The following TMEM163 variants were observed in gnomAD, a reference collection of about 807,000 sequenced individuals.
TMEM163 encodes the protein transmembrane protein 163.
A neutral mutation model predicts 29.3 loss-of-function variants in TMEM163; 17 were observed. The ratio of observed to expected loss-of-function variants is 0.58; its 90% CI spans 0.40 to 0.87. The LOEUF (loss-of-function observed/expected upper bound fraction) is 0.87, where lower values mean the gene tolerates loss of function less well. Among genes scored for constraint, TMEM163 ranks in the 40% least tolerant of loss-of-function variants. The pLI is 0.00. For synonymous variants in TMEM163, 157 were observed against 160.6 expected (o/e 0.98, Z 0.17); for missense variants, 303 against 381.5 (o/e 0.79, Z 1.71).
At chr2:134,657,387 A>G (rs1683645075) in intron 2 of TMEM163, among the ~76,000 whole-genome samples, 1 of 152,240 alleles carries the variant, frequency 6.6e-6, no homozygotes, top group Non-Finnish European at 1.5e-5. Context: ...CCTCCTTTAC[A>G]GCAACATGCA....
At chr2:134,708,570 TTTTA>T (rs760024250) in intron 2 of TMEM163, among the ~76,000 whole-genome samples, 1 of 151,358 alleles carries the variant, frequency 6.6e-6, no homozygotes, top group Non-Finnish European at 1.5e-5. Context: ...TATTTTTTAA[TTTTA>T]TTTATTTATT....
In TMEM163 at chr2:134,718,753, G is replaced by C; in HGVS notation, c.183C>G (p.Ser61Arg). The change falls in exon 1 of 8, where the codon AGC becomes AGG. Residue 61 changes from serine to arginine, a missense_variant. Transcript: ENST00000281924. ...QVRISESGQF[S>R]DGLEDRGLLE... ...GCTCACCTCGGTCCTCCAGCCCGTC[G>C]CTGAACTGGCCGCTCTCGCTGATCC... The C allele has an allele frequency of 8.7e-7, 1 of 1,154,162 alleles. No homozygotes were observed. 71.5% of individuals were successfully genotyped at this position (1,154,162 alleles called of 1,614,324 possible).
chr2:134,642,791 G>T (rs1289008524), intron 2 of TMEM163, among the ~76,000 whole-genome samples: 2 of 151,892 alleles, frequency 1.3e-5, no homozygotes, highest in East Asian at 1.9e-4. Flanking sequence ...CTTCAAAAAA[G>T]AATTTGAAAA....
Position 134,610,485 on chromosome 2 carries a change from C to G in TMEM163, c.323-58394G>C, listed in dbSNP as rs1682480722. Among the ~76,000 whole-genome samples, 4 of 152,210 alleles carry G rather than the reference C, an allele frequency of 2.6e-5. No individual in the cohort carries two copies. In the South Asian group the frequency reaches 8.3e-4, roughly 32 times the overall value. On this transcript the variant is annotated intron_variant, in intron 2 of 7. Transcript: ENST00000281924. The stretch of plus-strand genomic sequence containing the variant: ...GTCTGGGGGGAGGTCTGGGGACATA[C>G]AGTCCCGGTGGATTCCCAAGTGATG...
chr2:134,631,393 T>TG (rs1035739786), intron 2 of TMEM163, among the ~76,000 whole-genome samples: 15 of 152,334 alleles, frequency 9.8e-5, no homozygotes, highest in African/African-American at 3.4e-4. Flanking sequence ...CATTCTTTGC[T>TG]GGGGGGCCTT....
At chr2:134,558,788 A>T (rs1681103544) in intron 2 of TMEM163, among the ~76,000 whole-genome samples, 2 of 152,176 alleles carry the variant, frequency 1.3e-5, no homozygotes, top group Non-Finnish European at 2.9e-5. Context: ...GTCATGCAAC[A>T]ATTATCTTGA....
chr2:134,619,693 T>C (rs1682685829), intron 2 of TMEM163, among the ~76,000 whole-genome samples: 1 of 152,124 alleles, frequency 6.6e-6, no homozygotes, highest in Non-Finnish European at 1.5e-5. Context: ...TATTCAACAC[T>C]GCACTAGAGG....
chr2:134,665,410 C>G (rs549334292), intron 2 of TMEM163, among the ~76,000 whole-genome samples: 1 of 152,132 alleles, frequency 6.6e-6, no homozygotes, highest in South Asian at 2.1e-4. Context: ...GAGAACGGCA[C>G]GGGAAAACAT....
intron 5 of TMEM163, among the ~76,000 whole-genome samples, chr2:134,485,258 C>A (rs910949229): frequency 6.6e-6 from 1 of 152,124 alleles, no homozygotes; most frequent in Non-Finnish European, 1.5e-5. Flanking sequence ...TAACACAAAG[C>A]CTGTTTTATA....
At chr2:134,459,357 C>CAGGACACCGAGGTTTGGTCG (rs1686477004) in intron 6 of TMEM163, 1 of 151,658 alleles carries the variant, frequency 6.6e-6, no homozygotes, top group Non-Finnish European at 1.5e-5. Flanking sequence ...CCCCTGTGCT[C>CAGGACACCGAGGTTTGGTCG]AGGACACCGA....
In TMEM163 at chr2:134,502,980, C is replaced by A. The variant is rs374529167; in HGVS notation, c.476G>T (p.Gly159Val). ...HREYIACVILGVIFLLSSICI... is the reference protein window; with the variant it reads ...HREYIACVILVVIFLLSSICI... ...TATGGATGACAGAAGGAATATCACC[C>A]CCAAGATGACACAGGCTCTGCAAAA... The change falls in exon 5 of 8, where the codon GGG (glycine) becomes GTG (valine). Residue 159 changes from glycine (G) to valine (V), a missense_variant. Gly to Val is a moderately radical substitution (Grantham distance 109). This residue lies in a region of TMEM163 where 203 missense variants were observed against 294.3 expected (regional missense o/e 0.69). Transcript: ENST00000281924. 3 of 1,613,506 alleles carry A rather than the reference C, an allele frequency of 1.9e-6. No homozygotes were observed. The highest frequency in any genetic ancestry group is 2.5e-6 in the Non-Finnish European group (3 of 1,179,830).
intron 2 of TMEM163, among the ~76,000 whole-genome samples, chr2:134,562,731 A>G (rs1456064941): frequency 6.6e-6 from 1 of 152,246 alleles, no homozygotes; most frequent in Non-Finnish European, 1.5e-5. Flanking sequence ...CTCAAAGAAT[A>G]CAAGTTAAAC....
intron 4 of TMEM163, among the ~76,000 whole-genome samples, chr2:134,537,126 C>T (rs886364935): frequency 2.6e-5 from 4 of 152,328 alleles, no homozygotes; most frequent in Admixed American, 2.0e-4. Flanking sequence ...AATACCCAGA[C>T]TGACAGATCA....
At chr2:134,483,834 A>G (rs971149063) in intron 5 of TMEM163, among the ~76,000 whole-genome samples, 2 of 152,208 alleles carry the variant, frequency 1.3e-5, no homozygotes, top group African/African-American at 2.4e-5. Context: ...CAGAGAAAAC[A>G]TGATTTTTGA....
At chr2:134,542,963 G>A (rs1680708557) in intron 4 of TMEM163, among the ~76,000 whole-genome samples, 1 of 152,078 alleles carries the variant, frequency 6.6e-6, no homozygotes, top group African/African-American at 2.4e-5. Flanking sequence ...CTTCTTATAA[G>A]GACACTAGTA....
At chr2:134,478,938 C>A (rs150174807) in intron 5 of TMEM163, among the ~76,000 whole-genome samples, 1 of 152,216 alleles carries the variant, frequency 6.6e-6, no homozygotes, top group Non-Finnish European at 1.5e-5. Flanking sequence ...TGGGATACTG[C>A]TCCCCTCATC....
intron 2 of TMEM163, among the ~76,000 whole-genome samples, chr2:134,645,619 A>C (rs1683319703): frequency 1.3e-5 from 2 of 152,256 alleles, no homozygotes; most frequent in African/African-American, 2.4e-5. Context: ...TATCCATATA[A>C]TGGAATGCTA....
At chr2:134,586,445 A>G (rs1681825989) in intron 2 of TMEM163, among the ~76,000 whole-genome samples, 1 of 151,990 alleles carries the variant, frequency 6.6e-6, no homozygotes. Flanking sequence ...CACTGCCTCC[A>G]TTTTCACGTG....
chr2:134,638,027 T>C (rs1558973353), intron 2 of TMEM163, among the ~76,000 whole-genome samples: 1 of 152,328 alleles, frequency 6.6e-6, no homozygotes, highest in South Asian at 2.1e-4. Context: ...GGTTAAGTAA[T>C]CTTCCAAAAA....
Sources: allele counts gnomAD v4.1 joint callset (sites outside exome capture counted in the v4.1 genomes callset), GRCh38; gene constraint gnomAD v4.1.1; regional missense constraint gnomAD v4.1.1; transcripts MANE v1.5; gene names NCBI Gene and HGNC (gene_info 2026-07-23, HGNC 2026-07-21).